The following VWC2 variants were observed in gnomAD, a reference collection of about 807,000 sequenced individuals.
The protein encoded by VWC2 is brorin.
Under a neutral mutation model 29.8 loss-of-function variants are expected in VWC2, and 14 were observed. The observed-to-expected ratio is 0.47, with a 90% CI of 0.31 to 0.74. The LOEUF is 0.74. Among genes scored for constraint, VWC2 ranks in the 30% least tolerant of loss-of-function variants. The pLI, the probability that VWC2 is intolerant of heterozygous loss-of-function variation, is 0.05. For synonymous variants in VWC2, 213 were observed against 199.0 expected (o/e 1.07, Z -0.59); for missense variants, 457 against 459.8 (o/e 0.99, Z 0.05).
At chr7:49,825,657 C>T (rs1362423026) in intron 3 of VWC2, among the ~76,000 whole-genome samples, 6 of 152,192 alleles carry the variant, frequency 3.9e-5, no homozygotes, top group Non-Finnish European at 2.9e-5. Flanking sequence ...CTTCCATGTG[C>T]TCCTCCTCAC....
Position 49,775,473 on chromosome 7 carries a change from C to T in VWC2, c.38C>T (p.Ser13Phe). Residue 13 changes from serine to phenylalanine, a missense_variant, in exon 2 of 4, where the codon TCC (serine) becomes TTC (phenylalanine). This residue lies in a region of VWC2 where 272 missense variants were observed against 202.7 expected (regional missense o/e 1.34). Transcript: ENST00000340652. ...SSTAMAVGAL[S>F]SSLLVTCCLM... ...ACTGCGATGGCAGTTGGCGCGCTCTCCAGTTCCCTCCTGGTCACCTGCTGC... is the reference window on the plus strand; with the variant it reads ...ACTGCGATGGCAGTTGGCGCGCTCTTCAGTTCCCTCCTGGTCACCTGCTGC... 1 of 1,533,102 alleles carries T rather than the reference C, an allele frequency of 6.5e-7. No homozygotes were observed. Among genetic ancestry groups the T allele is most frequent in the South Asian group, 1.2e-5 (1 of 81,392 alleles). 95.0% of individuals were successfully genotyped at this position (1,533,102 alleles called of 1,614,324 possible). A position where few individuals can be genotyped will look rare whatever the true frequency, so the allele number is the denominator to read the frequency against.
chr7:49,849,100 G>C (rs886983153), intron 3 of VWC2, among the ~76,000 whole-genome samples: 8 of 152,126 alleles, frequency 5.3e-5, no homozygotes, highest in African/African-American at 1.9e-4. Context: ...CTACTGTACT[G>C]TATTTCTTAT....
intron 3 of VWC2, among the ~76,000 whole-genome samples, chr7:49,888,823 A>G (rs552477157): frequency 6.6e-6 from 1 of 152,264 alleles, no homozygotes; most frequent in African/African-American, 2.4e-5. Flanking sequence ...AGGCAGGAGA[A>G]TCGCTTGAAC....
rs1794003984 is a variant in VWC2 at position 49,921,255 on chromosome 7, G to A, written c.*9070G>A. The A allele has an allele frequency of 6.6e-6, 1 of 152,238 alleles. No individual in the cohort carries two copies. The highest frequency in any genetic ancestry group is 2.1e-4 in the South Asian group (1 of 4,834). The allele number at this position is 152,238 out of a possible 1,614,324, so 9.4% of individuals were successfully genotyped here. A position where few individuals can be genotyped will look rare whatever the true frequency, so the allele number is the denominator to read the frequency against. Reference sequence around the variant, plus strand: ...ACATGCTGGCTGGAGGATGGGTCTGGTTTCCAGCAGAGATGATAGGAGTTA... The same window carrying A: ...ACATGCTGGCTGGAGGATGGGTCTGATTTCCAGCAGAGATGATAGGAGTTA... On this transcript the variant is annotated 3_prime_UTR_variant, in exon 4 of 4. Coordinates refer to ENST00000340652, the MANE Select transcript of VWC2 (RefSeq NM_198570.5).
intron 3 of VWC2, among the ~76,000 whole-genome samples, chr7:49,825,162 C>T (rs769706937): frequency 5.9e-5 from 9 of 152,072 alleles, no homozygotes; most frequent in Non-Finnish European, 1.2e-4. Flanking sequence ...TTTTTCATTT[C>T]AGTTATTGTA....
At chr7:49,822,027 C>G (rs918540487) in intron 3 of VWC2, among the ~76,000 whole-genome samples, 1 of 152,142 alleles carries the variant, frequency 6.6e-6, no homozygotes. Flanking sequence ...AGTGCTTTCT[C>G]TTTCATCAGT....
chr7:49,842,908 T>C (rs990439764), intron 3 of VWC2, among the ~76,000 whole-genome samples: 1 of 152,236 alleles, frequency 6.6e-6, no homozygotes, highest in African/African-American at 2.4e-5. Flanking sequence ...TTCCAACTTT[T>C]ATTTTTAGAT....
At chr7:49,822,788 G>A (rs560529111) in intron 3 of VWC2, among the ~76,000 whole-genome samples, 1 of 152,252 alleles carries the variant, frequency 6.6e-6, no homozygotes, top group African/African-American at 2.4e-5. Context: ...TTTGTGTCTG[G>A]CTTCTTTCAC....
chr7:49,903,801 G>A (rs760545777), intron 3 of VWC2, among the ~76,000 whole-genome samples: 7 of 152,248 alleles, frequency 4.6e-5, no homozygotes, highest in African/African-American at 7.2e-5. Flanking sequence ...GTTTGGGAGC[G>A]GAGGTTTAAT....
At chr7:49,791,194 C>T (rs948835769) in intron 2 of VWC2, among the ~76,000 whole-genome samples, 2 of 152,172 alleles carry the variant, frequency 1.3e-5, no homozygotes, top group Non-Finnish European at 2.9e-5. Flanking sequence ...GAAGGGACTT[C>T]GTGACTTGCC....
chr7:49,822,648 A>C (rs781429254), intron 3 of VWC2, among the ~76,000 whole-genome samples: 3 of 152,286 alleles, frequency 2.0e-5, no homozygotes, highest in Admixed American at 6.5e-5. Context: ...CATGTTGGCC[A>C]GGCTGGTCTC....
intron 2 of VWC2, among the ~76,000 whole-genome samples, chr7:49,798,336 A>G (rs989061387): frequency 3.3e-5 from 5 of 152,324 alleles, no homozygotes; most frequent in Non-Finnish European, 7.4e-5. Flanking sequence ...GGATCCAGCT[A>G]TGGGTTGGTG....
chr7:49,786,764 G>C (rs889625034), intron 2 of VWC2, among the ~76,000 whole-genome samples: 12 of 152,094 alleles, frequency 7.9e-5, no homozygotes, highest in Non-Finnish European at 1.3e-4. Context: ...TATGCTTGTT[G>C]GCTGCTTGTT....
At position 49,913,795 on chromosome 7, in the gene VWC2, A is replaced by C. The variant is rs1277330399; in HGVS notation, c.*1610A>C. The C allele has an allele frequency of 6.6e-6, 1 of 152,224 alleles. No homozygotes were observed. Among genetic ancestry groups the C allele is most frequent in the Non-Finnish European group, 1.5e-5 (1 of 68,042 alleles). The allele number at this position is 152,224 out of a possible 1,614,324, so 9.4% of individuals were successfully genotyped here. On this transcript the variant is annotated 3_prime_UTR_variant, in exon 4 of 4. Transcript: ENST00000340652. Reference sequence around the variant, plus strand: ...TATATAAAAAATAATTCAATCATTAAAGACTGAATAACATTCAAGAAAAAT... The same window carrying C: ...TATATAAAAAATAATTCAATCATTACAGACTGAATAACATTCAAGAAAAAT...
At chr7:49,828,267 G>T (rs1172034433) in intron 3 of VWC2, among the ~76,000 whole-genome samples, 1 of 152,032 alleles carries the variant, frequency 6.6e-6, no homozygotes, top group African/African-American at 2.4e-5. Flanking sequence ...GCATTCTTTT[G>T]CTTATGGATC....
intron 3 of VWC2, among the ~76,000 whole-genome samples, chr7:49,834,255 C>T (rs905149286): frequency 6.6e-6 from 1 of 152,172 alleles, no homozygotes; most frequent in Non-Finnish European, 1.5e-5. Flanking sequence ...TGACCTGATG[C>T]AGTTCATTGG....
At chr7:49,787,425 AG>A (rs1463055930) in intron 2 of VWC2, among the ~76,000 whole-genome samples, 1 of 152,216 alleles carries the variant, frequency 6.6e-6, no homozygotes, top group Non-Finnish European at 1.5e-5. Flanking sequence ...ATTTCAAGTA[AG>A]TCACTATTCT....
chr7:49,787,199 G>T (rs1788318421), intron 2 of VWC2, among the ~76,000 whole-genome samples: 1 of 152,158 alleles, frequency 6.6e-6, no homozygotes, highest in Non-Finnish European at 1.5e-5. Flanking sequence ...CTACTGCTCT[G>T]TGTACCCTTA....
At chr7:49,883,274 C>A (rs996069290) in intron 3 of VWC2, among the ~76,000 whole-genome samples, 24 of 151,898 alleles carry the variant, frequency 1.6e-4, no homozygotes, top group Admixed American at 1.4e-3. Flanking sequence ...CCAGAATAGG[C>A]GAATCCAGGG....
Sources: allele counts gnomAD v4.1 joint callset (sites outside exome capture counted in the v4.1 genomes callset), GRCh38; gene constraint gnomAD v4.1.1; regional missense constraint gnomAD v4.1.1; transcripts MANE v1.5; gene names NCBI Gene and HGNC (gene_info 2026-07-23, HGNC 2026-07-21).